EPHA5: variants seen among roughly 807,000 people sequenced by gnomAD.
The protein encoded by EPHA5 is EPH receptor A5, also known as ephrin type-A receptor 5.
A neutral mutation model predicts 105.0 loss-of-function variants in EPHA5; 60 were observed. That is an observed-to-expected ratio of 0.57 (90% confidence interval 0.46 to 0.71). The LOEUF is 0.71. Among genes scored for constraint, EPHA5 ranks in the 30% least tolerant of loss-of-function variants. The probability of loss-of-function intolerance (pLI) is 0.00; values close to 1 mark genes in which losing one functional copy is unlikely to be tolerated. For synonymous variants in EPHA5, 513 were observed against 449.1 expected, an observed-to-expected ratio of 1.14 and a Z score of -1.80; for missense variants, 1,218 against 1,274.7, an observed-to-expected ratio of 0.96 and a Z score of 0.68.
intron 2 of EPHA5, among the ~76,000 whole-genome samples, chr4:65,619,013 G>A (rs1301325399): frequency 1.3e-5 from 2 of 152,042 alleles, no homozygotes; most frequent in Admixed American, 6.6e-5. Context: ...AAATTAGCCG[G>A]GCATGGTGGC....
In EPHA5 at chr4:65,332,073, C is replaced by G. The variant is rs2148799095; in HGVS notation, c.2845G>C (p.Val949Leu). Reference protein sequence around the residue: ...SPLGSGAYRSVGEWLEAIKMG... With the variant: ...SPLGSGAYRSLGEWLEAIKMG... ...TTGATTGCCTCTAGCCATTCACCTA[C>G]TGATCTGTAGGCCCCAGATCCTAGT... Residue 949 changes from valine to leucine, a missense_variant, in exon 16 of 17, where the codon GTA becomes CTA. Around this residue, in one of 3 missense-constraint regions of EPHA5, gnomAD observed 971 missense variants for 1,013.5 expected, o/e 0.96. Transcript: ENST00000613740. 1.2e-6 allele frequency: 2 copies of G among 1,611,544 alleles called. No homozygotes were observed. The highest frequency in any genetic ancestry group is 2.2e-5 in the South Asian group (2 of 91,000).
chr4:65,476,252 A>T (rs1729808191), intron 5 of EPHA5, among the ~76,000 whole-genome samples: 1 of 152,092 alleles, frequency 6.6e-6, no homozygotes, highest in Admixed American at 6.6e-5. Flanking sequence ...ACAAACAGAC[A>T]GGTAATTCTT....
At chr4:65,362,855 A>T (rs1394080851) in intron 11 of EPHA5, among the ~76,000 whole-genome samples, 1 of 151,720 alleles carries the variant, frequency 6.6e-6, no homozygotes, top group Non-Finnish European at 1.5e-5. Flanking sequence ...TCTTCAAGGA[A>T]CATACATTTT....
Position 65,321,038 on chromosome 4 carries a change from T to C in EPHA5, c.*3076A>G, listed in dbSNP as rs568210482. The C allele has an allele frequency of 8.7e-6, 2 of 230,430 alleles. No individual in the cohort carries two copies. Among genetic ancestry groups the C allele is most frequent in the East Asian group, 1.2e-4 (2 of 16,296 alleles). 14.3% of individuals were successfully genotyped at this position (230,430 alleles called of 1,614,324 possible). On this transcript the variant is annotated 3_prime_UTR_variant, in exon 17 of 17. Coordinates refer to ENST00000613740, the MANE Select transcript of EPHA5 (RefSeq NM_001281766.3). ...TGAAAAGAGCAACTGGTTATATTAA[T>C]AGTATATATGAGCAAATGACAAGAT... is the stretch of plus-strand genomic sequence containing the variant.
chr4:65,472,243 A>T (rs1441493329), intron 5 of EPHA5, among the ~76,000 whole-genome samples: 2 of 152,184 alleles, frequency 1.3e-5, no homozygotes, highest in African/African-American at 4.8e-5. Flanking sequence ...CATCTGGAGC[A>T]CACTGATGCC....
chr4:65,553,883 C>A (rs1460639481), intron 3 of EPHA5, among the ~76,000 whole-genome samples: 2 of 151,900 alleles, frequency 1.3e-5, no homozygotes, highest in East Asian at 3.9e-4. Context: ...TGAGCCGCAT[C>A]CTAATAGAAA....
intron 5 of EPHA5, among the ~76,000 whole-genome samples, chr4:65,463,635 A>T (rs981244592): frequency 7.9e-5 from 12 of 152,078 alleles, no homozygotes; most frequent in Non-Finnish European, 1.5e-4. Flanking sequence ...TTTAACAAGT[A>T]CCTCATTTTC....
At chr4:65,571,334 A>AC (rs1169762465) in intron 3 of EPHA5, among the ~76,000 whole-genome samples, 2 of 149,638 alleles carry the variant, frequency 1.3e-5, no homozygotes, top group Non-Finnish European at 3.0e-5. Flanking sequence ...AAAAAAAAAA[A>AC]CAGATCAAAA....
chr4:65,400,991 A>G (rs1721757089), intron 8 of EPHA5, among the ~76,000 whole-genome samples: 1 of 151,962 alleles, frequency 6.6e-6, no homozygotes, highest in Non-Finnish European at 1.5e-5. Context: ...TCCAGATATT[A>G]GAAAGTAATA....
intron 8 of EPHA5, among the ~76,000 whole-genome samples, chr4:65,374,935 A>T (rs1025979952): frequency 6.6e-6 from 1 of 151,912 alleles, no homozygotes; most frequent in Admixed American, 6.6e-5. Context: ...TCCTAGATAA[A>T]TGATTCTTCT....
chr4:65,355,950 T>A (rs2148867299), intron 11 of EPHA5, among the ~76,000 whole-genome samples: 1 of 151,648 alleles, frequency 6.6e-6, no homozygotes, highest in South Asian at 2.1e-4. Flanking sequence ...GCTCTTTTAC[T>A]TGGATTCTGC....
In EPHA5 at chr4:65,602,270, G is replaced by T. The variant is rs2149442075; in HGVS notation, c.281C>A (p.Ala94Asp). 3 of 1,604,458 alleles carry T rather than the reference G, an allele frequency of 1.9e-6. No homozygotes were observed. The highest frequency in any genetic ancestry group is 2.5e-6 in the Non-Finnish European group (3 of 1,176,772). The change falls in exon 3 of 17, where the codon GCC (alanine) becomes GAC (aspartate). Residue 94 changes from alanine to aspartate, a missense_variant. Coordinates refer to ENST00000613740, the MANE Select transcript of EPHA5 (RefSeq NM_001281766.3). ...EEIGEVDENY[A>D]PIHTYQVCKV... The stretch of plus-strand genomic sequence containing the variant: ...GCATACTTGGTATGTGTGGATAGGG[G>T]CATAATTTTCATCCACTTCACCAAT...
intron 5 of EPHA5, among the ~76,000 whole-genome samples, chr4:65,468,996 T>C (rs5001097): frequency 0.95 from 144,622 of 152,038 alleles, 68,933 homozygotes; most frequent in East Asian, 1. Flanking sequence ...TGATAGGTTT[T>C]GTGGTAAGCA....
intron 3 of EPHA5, among the ~76,000 whole-genome samples, chr4:65,575,051 G>T (rs1412605479): frequency 6.6e-6 from 1 of 151,730 alleles, no homozygotes. Context: ...ATTGGGAAAA[G>T]AATGCTGCTA....
Position 65,354,578 on chromosome 4 carries a change from GAAAC to G in EPHA5, c.2174-1479_2174-1476del. ...TAATTAACTTTTTAATTTATGAAGA[GAAAC>G]AAATACTATACAATTGTGAAATGCA... is the stretch of plus-strand genomic sequence containing the variant. On this transcript the variant is annotated intron_variant, in intron 11 of 16. Transcript: ENST00000613740. Among the ~76,000 whole-genome samples the G allele has an allele frequency of 2.6e-5, 4 of 151,698 alleles. No homozygotes were observed. The Admixed American group carries it at 2.6e-4, about 10-fold the overall frequency.
chr4:65,487,636 C>T lies in EPHA5; in HGVS notation c.1402+2741G>A, dbSNP rs1463735091. Among the ~76,000 whole-genome samples the T allele has an allele frequency of 2.0e-5, 3 of 152,140 alleles. 1 individual carries two copies. The highest frequency in any genetic ancestry group is 4.1e-4 in the South Asian group (2 of 4,828). ...CTCATTTGGTCTTGTAGCCCTCACC[C>T]GGAACTGACTCTGCAGGAGGACAGA... On this transcript the variant is annotated intron_variant, in intron 5 of 16. Coordinates refer to ENST00000613740, the MANE Select transcript of EPHA5 (RefSeq NM_001281766.3).
intron 3 of EPHA5, among the ~76,000 whole-genome samples, chr4:65,524,010 C>G (rs543352990): frequency 6.6e-6 from 1 of 151,842 alleles, no homozygotes; most frequent in Non-Finnish European, 1.5e-5. Context: ...ACTAGAAGAA[C>G]GACTTGGTCT....
intron 5 of EPHA5, among the ~76,000 whole-genome samples, chr4:65,454,019 G>A (rs1031641460): frequency 3.3e-5 from 5 of 152,076 alleles, no homozygotes; most frequent in Non-Finnish European, 7.4e-5. Flanking sequence ...GGTGGCTCAC[G>A]CCTGTAATTC....
intron 2 of EPHA5, among the ~76,000 whole-genome samples, chr4:65,638,827 C>T (rs1202948845): frequency 6.6e-6 from 1 of 152,124 alleles, no homozygotes; most frequent in African/African-American, 2.4e-5. Context: ...GACAGGGACC[C>T]TCCTCTTACC....
Sources: gnomAD v4.1 joint callset for allele counts (sites outside exome capture counted in the v4.1 genomes callset) on GRCh38, gnomAD v4.1.1 for gene constraint, gnomAD v4.1.1 regional missense constraint, MANE v1.5 for transcripts, NCBI Gene and HGNC (gene_info 2026-07-23, HGNC 2026-07-21) for gene names.